Variants in FBXO4 observed in about 807,000 individuals in gnomAD.
The protein encoded by FBXO4 is F-box only protein 4.
Under a neutral mutation model 43.7 loss-of-function variants are expected in FBXO4, and 36 were observed. That is an observed-to-expected ratio of 0.82 (90% CI 0.63 to 1.09). The LOEUF is 1.09. Ranked by LOEUF, FBXO4 falls within the 50% of genes least tolerant of loss-of-function variation. The probability of loss-of-function intolerance (pLI) is 0.00; values close to 1 mark genes in which losing one functional copy is unlikely to be tolerated. For missense variants in FBXO4, 435 were observed against 474.1 expected (o/e 0.92, Z 0.77); for synonymous variants, 180 against 165.6 (o/e 1.09, Z -0.67).
At chr5:41,986,148 G>A in the FBXO4 span, among the ~76,000 whole-genome samples, 1 of 152,110 alleles carries the variant, frequency 6.6e-6, no homozygotes, top group East Asian at 1.9e-4. Flanking sequence ...GATAAGAGCA[G>A]TCCCCATGCT....
At chr5:41,955,070 T>C in the FBXO4 span, among the ~76,000 whole-genome samples, 64 of 152,140 alleles carry the variant, frequency 4.2e-4, no homozygotes, top group African/African-American at 1.4e-3. Context: ...TAAAGGAAAG[T>C]AGTGTCAGAG....
the FBXO4 span, among the ~76,000 whole-genome samples, chr5:42,010,277 A>T: frequency 6.6e-6 from 1 of 152,126 alleles, no homozygotes; most frequent in African/African-American, 2.4e-5. Flanking sequence ...AGGTGGGTGG[A>T]TCACTAGGTC....
intron 1 of FBXO4, 31 bp from the exon 2 acceptor site, chr5:41,926,982 T>G: frequency 1.4e-6 from 2 of 1,431,768 alleles, no homozygotes; most frequent in Non-Finnish European, 1.9e-6. Context: ...CTTCATTCCT[T>G]TTTCCTACCT....
chr5:41,937,731 G>A (rs996929035), intron 5 of FBXO4, among the ~76,000 whole-genome samples: 5 of 152,208 alleles, frequency 3.3e-5, no homozygotes, highest in African/African-American at 1.2e-4. Flanking sequence ...CTGGTGTCTG[G>A]TGAGTGCCTT....
the FBXO4 span, among the ~76,000 whole-genome samples, chr5:41,981,759 T>A: frequency 6.6e-6 from 1 of 151,712 alleles, no homozygotes; most frequent in Non-Finnish European, 1.5e-5. Context: ...TATACATATT[T>A]TTATTGTACT....
the FBXO4 span, among the ~76,000 whole-genome samples, chr5:42,017,877 C>T: frequency 6.6e-6 from 1 of 151,738 alleles, no homozygotes; most frequent in South Asian, 2.1e-4. Context: ...CATCATGTTG[C>T]TATTGTGAAT....
chr5:41,925,923 G>A (rs1362403905), intron 1 of FBXO4, among the ~76,000 whole-genome samples: 1 of 152,136 alleles, frequency 6.6e-6, no homozygotes, highest in Non-Finnish European at 1.5e-5. Flanking sequence ...AAAACACTTG[G>A]AGGGCCAAGG....
At position 41,929,683 on chromosome 5, in the gene FBXO4, A is replaced by G. The variant is rs373014927; in HGVS notation, c.426-14A>G. ...TTTCTGTGTTAATGTTCTAATTGTG[A>G]CAATTTTTTACAGCTATAGAATGTG... On this transcript the variant is annotated splice_polypyrimidine_tract_variant and intron_variant, in intron 2 of 6. Coordinates refer to ENST00000281623, the MANE Select transcript of FBXO4 (RefSeq NM_012176.3). 6.4e-7 allele frequency: 1 copy of G among 1,561,684 alleles called. No individual in the cohort carries two copies. Among genetic ancestry groups the G allele is most frequent in the African/African-American group, 1.4e-5 (1 of 72,796 alleles).
At chr5:41,961,080 A>G in the FBXO4 span, among the ~76,000 whole-genome samples, 1 of 151,872 alleles carries the variant, frequency 6.6e-6, no homozygotes, top group Non-Finnish European at 1.5e-5. Flanking sequence ...ATCTCTCCCT[A>G]TAGGGAGGTC....
the FBXO4 span, among the ~76,000 whole-genome samples, chr5:41,998,147 A>G: frequency 6.6e-6 from 1 of 152,154 alleles, no homozygotes; most frequent in Non-Finnish European, 1.5e-5. Context: ...GTCCATTATG[A>G]TAGCTATGTC....
chr5:41,932,771 T>C (rs901588740), intron 3 of FBXO4, among the ~76,000 whole-genome samples: 4 of 152,204 alleles, frequency 2.6e-5, no homozygotes, highest in Admixed American at 2.0e-4. Context: ...AGTGTGGTCA[T>C]GGGGATACAG....
chr5:41,982,730 T>G, the FBXO4 span, among the ~76,000 whole-genome samples: 1 of 152,146 alleles, frequency 6.6e-6, no homozygotes, highest in Non-Finnish European at 1.5e-5. Flanking sequence ...TTATTATTAT[T>G]ATTATACTTT....
the FBXO4 span, among the ~76,000 whole-genome samples, chr5:42,012,019 T>C: frequency 6.6e-6 from 1 of 152,162 alleles, no homozygotes; most frequent in African/African-American, 2.4e-5. Flanking sequence ...GGTGGGAAGG[T>C]CAGCAAGGTG....
chr5:41,991,905 C>T, the FBXO4 span, among the ~76,000 whole-genome samples: 1 of 152,114 alleles, frequency 6.6e-6, no homozygotes, highest in Non-Finnish European at 1.5e-5. Flanking sequence ...ATGGAGAAAC[C>T]CCGTCTCTAC....
downstream of FBXO4, among the ~76,000 whole-genome samples, chr5:41,942,360 T>C (rs1383343157): frequency 6.6e-6 from 1 of 151,702 alleles, no homozygotes; most frequent in Non-Finnish European, 1.5e-5. Flanking sequence ...AAAGTTATGA[T>C]AGAAGAGTGG....
the FBXO4 span, among the ~76,000 whole-genome samples, chr5:42,008,098 G>T: frequency 6.6e-6 from 1 of 152,124 alleles, no homozygotes; most frequent in Non-Finnish European, 1.5e-5. Flanking sequence ...TTATTGCTAA[G>T]AGAGTTGGAA....
At position 41,930,555 on chromosome 5, in the gene FBXO4, A is replaced by C. The variant is rs572713107; in HGVS notation, c.646+638A>C. On this transcript the variant is annotated intron_variant, in intron 3 of 6. Coordinates refer to ENST00000281623, the MANE Select transcript of FBXO4 (RefSeq NM_012176.3). ...AAAGGTAACGGTCAAAGAAGGCTCC[A>C]TATTGATGATGTCTCATATGAGTCA... Among the ~76,000 whole-genome samples, 4 of 152,360 alleles carry C rather than the reference A, an allele frequency of 2.6e-5. No homozygotes were observed. In the South Asian group the frequency reaches 8.3e-4, roughly 32 times the overall value.
At chr5:41,942,199 A>T (rs1752016670), downstream of FBXO4, among the ~76,000 whole-genome samples, 1 of 152,002 alleles carries the variant, frequency 6.6e-6, no homozygotes, top group Admixed American at 6.6e-5. Flanking sequence ...CTTTTTGTTG[A>T]GGGGGCAGAA....
chr5:42,017,189 A>G, the FBXO4 span, among the ~76,000 whole-genome samples: 1 of 152,126 alleles, frequency 6.6e-6, no homozygotes, highest in Admixed American at 6.6e-5. Context: ...TAGTAACAAC[A>G]AAATGTATCT....
Sources: gnomAD v4.1 joint callset for allele counts (sites outside exome capture counted in the v4.1 genomes callset) on GRCh38, gnomAD v4.1.1 for gene constraint, MANE v1.5 for transcripts, NCBI Gene and HGNC (gene_info 2026-07-23, HGNC 2026-07-21) for gene names.